The following UGT1A10 variants were observed in gnomAD, a reference collection of about 807,000 sequenced individuals.
UGT1A10 encodes the protein UDP glucuronosyltransferase family 1 member A10, also known as UDP-glucuronosyltransferase 1A10.
Under a neutral mutation model 45.8 loss-of-function variants are expected in UGT1A10, and 49 were observed. The ratio of observed to expected loss-of-function variants is 1.07; its 90% CI spans 0.85 to 1.36. The LOEUF (loss-of-function observed/expected upper bound fraction) is 1.36. Among genes scored for constraint, UGT1A10 ranks in the 40% most tolerant of loss-of-function variants. The pLI is 0.00. For missense variants in UGT1A10, 745 were observed against 668.6 expected (o/e 1.11, Z -1.26); for synonymous variants, 284 against 249.7 (o/e 1.14, Z -1.29).
In UGT1A10 at chr2:233,637,368, A is replaced by G. The variant is rs1435332231; in HGVS notation, c.846A>G (p.Pro282=). The G allele has an allele frequency of 6.2e-7, 1 of 1,612,926 alleles. No homozygotes were observed. ...IGGINCHQGK[P]LPMEFEAYIN... ...GTATCAACTGTCATCAGGGAAAGCCATTGCCTATGGTAAGTCACCTCTCCT... is the reference window on the plus strand; with the variant it reads ...GTATCAACTGTCATCAGGGAAAGCCGTTGCCTATGGTAAGTCACCTCTCCT... Residue 282 remains proline (P), a synonymous_variant, in exon 1 of 5, where the codon CCA becomes CCG. Coordinates refer to ENST00000344644, the MANE Select transcript of UGT1A10 (RefSeq NM_019075.4).
At chr2:233,674,004 A>G (rs17862858) in intron 1 of UGT1A10, among the ~76,000 whole-genome samples, 5,514 of 152,276 alleles carry the variant, frequency 0.036, 132 homozygotes, top group Admixed American at 0.06. Flanking sequence ...TGAAAAGTCC[A>G]TGACAAATAC....
intron 1 of UGT1A10, among the ~76,000 whole-genome samples, chr2:233,702,574 T>G (rs2075694345): frequency 6.6e-6 from 1 of 152,166 alleles, no homozygotes. Flanking sequence ...TTTTAGCAGA[T>G]TAGGTCTTAA....
chr2:233,699,520 G>A (rs998793115), intron 1 of UGT1A10, among the ~76,000 whole-genome samples: 3 of 152,142 alleles, frequency 2.0e-5, no homozygotes, highest in Non-Finnish European at 2.9e-5. Flanking sequence ...CAAGCCTTCC[G>A]AAGGACAGGG....
Position 233,772,820 on chromosome 2 carries a change from C to A in UGT1A10, c.*261C>A. On this transcript the variant is annotated 3_prime_UTR_variant, in exon 5 of 5. Coordinates refer to ENST00000344644, the MANE Select transcript of UGT1A10 (RefSeq NM_019075.4). ...TGCCATTTTTCAGAGGACGTGCAGACAGGCTGGCATTCTAGATTACTTTTC... is the reference window on the plus strand; with the variant it reads ...TGCCATTTTTCAGAGGACGTGCAGAAAGGCTGGCATTCTAGATTACTTTTC... 1 of 980,890 alleles carries A rather than the reference C, an allele frequency of 1.0e-6. No individual in the cohort carries two copies. The highest frequency in any genetic ancestry group is 1.4e-6 in the Non-Finnish European group (1 of 712,708). 60.8% of individuals were successfully genotyped at this position (980,890 alleles called of 1,614,324 possible).
intron 1 of UGT1A10, among the ~76,000 whole-genome samples, chr2:233,655,128 T>TAAAGAAAG (rs912388758): frequency 2.0e-5 from 3 of 151,826 alleles, no homozygotes; most frequent in African/African-American, 7.3e-5. Flanking sequence ...AACAGAATAC[T>TAAAGAAAG]AAAGAAAGAA....
chr2:233,661,459 T>G (rs2073961743), intron 1 of UGT1A10, among the ~76,000 whole-genome samples: 2 of 152,184 alleles, frequency 1.3e-5, no homozygotes, highest in Admixed American at 6.6e-5. Flanking sequence ...GATGGAATCC[T>G]AGTTCTTTTT....
intron 1 of UGT1A10, among the ~76,000 whole-genome samples, chr2:233,652,884 T>A (rs1255860202): frequency 6.6e-6 from 1 of 152,264 alleles, no homozygotes; most frequent in African/African-American, 2.4e-5. Flanking sequence ...GGGAAGTATT[T>A]ATGACCCAGA....
At chr2:233,683,037 A>G (rs1374308293) in intron 1 of UGT1A10, among the ~76,000 whole-genome samples, 2 of 152,110 alleles carry the variant, frequency 1.3e-5, no homozygotes, top group Non-Finnish European at 2.9e-5. Context: ...TCTAAATGCT[A>G]TTTTTGGAAA....
intron 1 of UGT1A10, among the ~76,000 whole-genome samples, chr2:233,720,687 C>A (rs1440399782): frequency 1.3e-5 from 2 of 151,626 alleles, no homozygotes; most frequent in Non-Finnish European, 2.9e-5. Flanking sequence ...GTTTCTAAAT[C>A]CATTAAGGGA....
At chr2:233,638,008 A>T (rs891279164) in intron 1 of UGT1A10, among the ~76,000 whole-genome samples, 2 of 152,178 alleles carry the variant, frequency 1.3e-5, no homozygotes, top group Non-Finnish European at 2.9e-5. Flanking sequence ...CCTTTTGTGA[A>T]TAAGGCTGTG....
chr2:233,752,890 C>T lies in UGT1A10; in HGVS notation c.856-14144C>T, dbSNP rs537828663. Among the ~76,000 whole-genome samples, 6 of 152,322 alleles carry T rather than the reference C, an allele frequency of 3.9e-5. No homozygotes were observed. In the East Asian group the frequency reaches 1.2e-3, roughly 29 times the overall value. On this transcript the variant is annotated intron_variant, in intron 1 of 4. Coordinates refer to ENST00000344644, the MANE Select transcript of UGT1A10 (RefSeq NM_019075.4). Reference sequence around the variant, plus strand: ...GCTTTCAACTGTTAAAACTAGCCAGCGTTGTTACAGATCCACCTCTGAGTG... The same window carrying T: ...GCTTTCAACTGTTAAAACTAGCCAGTGTTGTTACAGATCCACCTCTGAGTG...
rs371746067 is a variant in UGT1A10, at chr2:233,749,430, ACT to A, written c.856-17603_856-17602del. On this transcript the variant is annotated intron_variant, in intron 1 of 4. Transcript: ENST00000344644. ...TGTTAACTACATTGCTCAAAACTTC[ACT>A]GTCATCTCAGTGGAGCAGAACGAAT... Among the ~76,000 whole-genome samples, 11 of 151,874 alleles carry A rather than the reference ACT, an allele frequency of 7.2e-5. No individual in the cohort carries two copies. In the East Asian group the frequency reaches 1.7e-3, roughly 24 times the overall value.
chr2:233,675,228 C>T (rs771256236), intron 1 of UGT1A10, among the ~76,000 whole-genome samples: 3 of 152,108 alleles, frequency 2.0e-5, no homozygotes, highest in Non-Finnish European at 2.9e-5. Context: ...CAAATTTCAA[C>T]GTGAGATTTG....
rs11683356 is a variant in UGT1A10, at chr2:233,636,648, G to A, written c.126G>A (p.Gln42=). The A allele has an allele frequency of 0.03, 47,660 of 1,614,140 alleles. 842 individuals carry two copies. The highest frequency in any genetic ancestry group is 0.034 in the Non-Finnish European group (39,625 of 1,180,024). ...PMDGSHWFTM[Q]SVVEKLILRG... The stretch of plus-strand genomic sequence containing the variant: ...ATGGGAGTCACTGGTTCACCATGCA[G>A]TCGGTGGTGGAGAAACTTATCCTCA... The change falls in exon 1 of 5, where the codon CAG becomes CAA. Residue 42 remains glutamine, a synonymous_variant. Coordinates refer to ENST00000344644, the MANE Select transcript of UGT1A10 (RefSeq NM_019075.4).
chr2:233,729,788 C>T (rs377448970), intron 1 of UGT1A10: 5 of 1,613,954 alleles, frequency 3.1e-6, no homozygotes, highest in Non-Finnish European at 3.4e-6. Flanking sequence ...CTGGCCCTGT[C>T]CTACATTTGC....
Position 233,636,505 on chromosome 2 carries a change from T to C in UGT1A10, c.-18T>C, listed in dbSNP as rs1343125452. 6.2e-7 allele frequency: 1 copy of C among 1,602,694 alleles called. No individual in the cohort carries two copies. Among genetic ancestry groups the C allele is most frequent in the Non-Finnish European group, 8.5e-7 (1 of 1,173,198 alleles). ...GCAGCTTAGAATCCCAGCTGCTGGC[T>C]CGGGCTGCAGTTCTCTCATGGCTCG... On this transcript the variant is annotated 5_prime_UTR_variant, in exon 1 of 5. Coordinates refer to ENST00000344644, the MANE Select transcript of UGT1A10 (RefSeq NM_019075.4).
In UGT1A10 at chr2:233,736,924, C is replaced by T. The variant is rs544385943; in HGVS notation, c.856-30110C>T. The stretch of plus-strand genomic sequence containing the variant: ...TCCTCTGGAAGCTTCATACCAGAGG[C>T]GCACCCACCTATATGAGGTGTCTGT... On this transcript the variant is annotated intron_variant, in intron 1 of 4. Coordinates refer to ENST00000344644, the MANE Select transcript of UGT1A10 (RefSeq NM_019075.4). Among the ~76,000 whole-genome samples the T allele has an allele frequency of 2.3e-4, 35 of 152,234 alleles. No homozygotes were observed. The South Asian group carries it at 6.0e-3, about 26-fold the overall frequency.
intron 1 of UGT1A10, among the ~76,000 whole-genome samples, chr2:233,699,179 A>ACTT (rs765566665): frequency 6.6e-6 from 1 of 151,668 alleles, no homozygotes; most frequent in Non-Finnish European, 1.5e-5. Context: ...TCTGATCCTC[A>ACTT]CTTCTTCTTC....
chr2:233,713,501 G>T (rs771192795), intron 1 of UGT1A10: 2 of 1,613,952 alleles, frequency 1.2e-6, no homozygotes, highest in African/African-American at 2.7e-5. Flanking sequence ...TTCCTGCTGT[G>T]TTTTTCTTGA....
Sources: allele counts gnomAD v4.1 joint callset (sites outside exome capture counted in the v4.1 genomes callset), GRCh38; gene constraint gnomAD v4.1.1; transcripts MANE v1.5; gene names NCBI Gene and HGNC (gene_info 2026-07-23, HGNC 2026-07-21).